Variants in MYBPC1 observed in about 807,000 individuals in gnomAD.
The protein encoded by MYBPC1 is myosin-binding protein C, slow-type.
In MYBPC1, 52 loss-of-function variants were observed where a neutral mutation model predicts 147.1. The ratio of observed to expected loss-of-function variants is 0.35; its 90% CI spans 0.28 to 0.45. The LOEUF is 0.45. Ranked by LOEUF, MYBPC1 falls within the 20% of genes least tolerant of loss-of-function variation. MYBPC1 has a pLI of 1.00. For missense variants in MYBPC1, 1,228 were observed against 1,440.3 expected (o/e 0.85, Z 2.39); for synonymous variants, 477 against 475.9 (o/e 1.00, Z -0.03).
At chr12:101,681,902 C>T (rs560790242) in intron 29 of MYBPC1, among the ~76,000 whole-genome samples, 4 of 151,848 alleles carry the variant, frequency 2.6e-5, no homozygotes, top group Non-Finnish European at 5.9e-5. Context: ...AGCCACTGCA[C>T]CCAGCTGCTT....
At chr12:101,682,582 T>G in intron 29 of MYBPC1, 22 bp from the exon 30 acceptor site, 1 of 1,603,072 alleles carries the variant, frequency 6.2e-7, no homozygotes, top group African/African-American at 1.3e-5. Context: ...TAAATACTGG[T>G]ACAAATATTC....
chr12:101,663,482 A>G lies in MYBPC1; in HGVS notation c.2278A>G (p.Thr760Ala). 3 of 1,614,150 alleles carry G rather than the reference A, an allele frequency of 1.9e-6. No individual in the cohort carries two copies. The highest frequency in any genetic ancestry group is 2.5e-6 in the Non-Finnish European group (3 of 1,180,004). Reference protein sequence around the residue: ...TVDSVTDTTVTMRWRPPDHIG... With the variant: ...TVDSVTDTTVAMRWRPPDHIG... ...GGACTCTGTCACTGACACGACTGTC[A>G]CGATGAGGTGGCGCCCCCCAGACCA... Residue 760 changes from threonine (T) to alanine (A), a missense_variant, in exon 22 of 32, where the codon ACG becomes GCG. Physicochemically the swap from Thr to Ala is moderately conservative, Grantham distance 58. This residue lies in a region of MYBPC1 where 1,077 missense variants were observed against 1,314.2 expected (regional missense o/e 0.82). Coordinates refer to ENST00000361466, the MANE Select transcript of MYBPC1 (RefSeq NM_002465.4).
intron 15 of MYBPC1, chr12:101,650,947 G>T: frequency 2.4e-6 from 1 of 423,404 alleles, no homozygotes; most frequent in Non-Finnish European, 4.4e-6. Context: ...GATGAACTGA[G>T]GTAGCTGATA....
chr12:101,624,022 A>C (rs1243825105), intron 3 of MYBPC1, among the ~76,000 whole-genome samples: 1 of 152,018 alleles, frequency 6.6e-6, no homozygotes, highest in Non-Finnish European at 1.5e-5. Context: ...ATTTCTTGTC[A>C]CCCCCACTTC....
At chr12:101,632,296 T>A (rs1158122260) in intron 8 of MYBPC1, among the ~76,000 whole-genome samples, 158 bp downstream of exon 8, 3 of 152,222 alleles carry the variant, frequency 2.0e-5, no homozygotes, top group Admixed American at 2.0e-4. Flanking sequence ...TGAATTGAAT[T>A]GTAATGAAAT....
At chr12:101,684,645 T>C (rs1951243190) in intron 31 of MYBPC1, among the ~76,000 whole-genome samples, 1 of 152,218 alleles carries the variant, frequency 6.6e-6, no homozygotes, top group South Asian at 2.1e-4. Context: ...AGTTGTTGAA[T>C]GCAGTAGAGC....
At chr12:101,606,141 C>T (rs1026459960) in intron 1 of MYBPC1, among the ~76,000 whole-genome samples, 3 of 151,214 alleles carry the variant, frequency 2.0e-5, no homozygotes, top group Non-Finnish European at 4.4e-5. Context: ...TGCAGTAAGC[C>T]GAGATCACGC....
intron 1 of MYBPC1, among the ~76,000 whole-genome samples, chr12:101,602,349 G>C (rs1382235458): frequency 6.6e-6 from 1 of 152,098 alleles, no homozygotes; most frequent in Non-Finnish European, 1.5e-5. Flanking sequence ...TGAGTAGCTG[G>C]GGTTACAGGC....
chr12:101,677,429 G>A, intron 27 of MYBPC1, 35 bp downstream of exon 27: 1 of 1,612,252 alleles, frequency 6.2e-7, no homozygotes, highest in Non-Finnish European at 8.5e-7. Flanking sequence ...TGAAAACCTT[G>A]GTTGACAGTG....
rs141356198 is a variant in MYBPC1, at chr12:101,662,896, A to G, written c.2221+350A>G. Among the ~76,000 whole-genome samples the G allele has an allele frequency of 4.5e-4, 69 of 152,322 alleles. No homozygotes were observed. The East Asian group carries it at 0.01, about 22-fold the overall frequency. On this transcript the variant is annotated intron_variant, in intron 21 of 31. Coordinates refer to ENST00000361466, the MANE Select transcript of MYBPC1 (RefSeq NM_002465.4). The stretch of plus-strand genomic sequence containing the variant: ...TTAACCTGTTAATATAACCCAGCTT[A>G]GTGTAAACAACTATCACTGAAACAA...
intron 10 of MYBPC1, among the ~76,000 whole-genome samples, chr12:101,639,745 C>T (rs1206847535): frequency 6.6e-6 from 1 of 152,130 alleles, no homozygotes; most frequent in East Asian, 1.9e-4. Flanking sequence ...ATGTAGGACT[C>T]AGTGACTTGT....
At chr12:101,655,128 C>T (rs533724176) in intron 18 of MYBPC1, among the ~76,000 whole-genome samples, 4 of 151,916 alleles carry the variant, frequency 2.6e-5, no homozygotes, top group South Asian at 4.2e-4. Context: ...GAATAGCAGT[C>T]GAGCATATGA....
chr12:101,646,929 G>C, intron 13 of MYBPC1, 42 bp downstream of exon 13: 2 of 1,610,984 alleles, frequency 1.2e-6, no homozygotes, highest in South Asian at 1.1e-5. Flanking sequence ...GGAGCTGTTG[G>C]CTTCTTCTCC....
At chr12:101,610,795 C>G (rs1883998943) in intron 1 of MYBPC1, among the ~76,000 whole-genome samples, 4 of 152,238 alleles carry the variant, frequency 2.6e-5, no homozygotes, top group Admixed American at 2.6e-4. Flanking sequence ...GCTGAGAAGT[C>G]CACCAGTCCT....
chr12:101,677,214 T>A (rs1372533630), intron 26 of MYBPC1, 21 bp from the exon 27 acceptor site: 2 of 1,608,070 alleles, frequency 1.2e-6, no homozygotes, highest in Admixed American at 3.3e-5. Context: ...TTCCTCCAGT[T>A]ATTATTTTTT....
intron 15 of MYBPC1, among the ~76,000 whole-genome samples, chr12:101,649,927 A>G (rs1317727657): frequency 2.0e-5 from 3 of 152,238 alleles, no homozygotes; most frequent in Non-Finnish European, 4.4e-5. Flanking sequence ...GCAATGGCAG[A>G]ATCTCTCCCA....
In MYBPC1 at chr12:101,653,190, T is replaced by C; in HGVS notation, c.1709T>C (p.Leu570Pro). 6.2e-7 allele frequency: 1 copy of C among 1,614,154 alleles called. No homozygotes were observed. Among genetic ancestry groups the C allele is most frequent in the Non-Finnish European group, 8.5e-7 (1 of 1,180,040 alleles). The stretch of plus-strand genomic sequence containing the variant: ...GTGATTGCAGGAAACAAGCTTCGTC[T>C]TGAGATCCCCATCAGCGGAGAACCA... ...VTVIAGNKLR[L>P]EIPISGEPPP... Residue 570 changes from leucine to proline, a missense_variant, in exon 18 of 32, where the codon CTT becomes CCT. Transcript: ENST00000361466.
At chr12:101,646,939 C>T in intron 13 of MYBPC1, 52 bp downstream of exon 13, 4 of 1,604,806 alleles carry the variant, frequency 2.5e-6, no homozygotes, top group Non-Finnish European at 3.4e-6. Flanking sequence ...GCTTCTTCTC[C>T]CAGGGATAAT....
chr12:101,670,793 C>CTA (rs1898482490), intron 24 of MYBPC1, among the ~76,000 whole-genome samples: 1 of 152,140 alleles, frequency 6.6e-6, no homozygotes. Context: ...TTCAGGAAAA[C>CTA]AGTGTGTGCT....
Sources: allele counts gnomAD v4.1 joint callset (sites outside exome capture counted in the v4.1 genomes callset), GRCh38; gene constraint gnomAD v4.1.1; regional missense constraint gnomAD v4.1.1; transcripts MANE v1.5; gene names NCBI Gene and HGNC (gene_info 2026-07-23, HGNC 2026-07-21).